SPACA7: variants seen among roughly 807,000 people sequenced by gnomAD.
The protein encoded by SPACA7 is sperm acrosome associated 7.
A neutral mutation model predicts 26.3 loss-of-function variants in SPACA7; 19 were observed. The ratio of observed to expected loss-of-function variants is 0.72; its 90% CI spans 0.50 to 1.06. The LOEUF is 1.06. Ranked by LOEUF, SPACA7 falls within the 50% of genes least tolerant of loss-of-function variation. SPACA7 has a pLI of 0.00. For synonymous variants in SPACA7, 84 were observed against 84.5 expected (o/e 0.99, Z 0.04); for missense variants, 211 against 229.9 (o/e 0.92, Z 0.53).
intron 2 of SPACA7, among the ~76,000 whole-genome samples, chr13:112,397,426 A>G (rs1473639972): frequency 6.6e-6 from 1 of 152,190 alleles, no homozygotes; most frequent in Non-Finnish European, 1.5e-5. Flanking sequence ...CCTTCTGCAT[A>G]CACTGCTTTA....
At chr13:112,387,806 G>A (rs1884623646) in intron 1 of SPACA7, among the ~76,000 whole-genome samples, 1 of 152,158 alleles carries the variant, frequency 6.6e-6, no homozygotes, top group South Asian at 2.1e-4. Flanking sequence ...GCTGCCCAGT[G>A]GGCTGCAAGG....
intron 1 of SPACA7, chr13:112,378,647 C>T (rs1196723218): frequency 6.4e-6 from 3 of 470,898 alleles, no homozygotes; most frequent in East Asian, 7.0e-5. Context: ...CCGAAGGTCT[C>T]GAGGTTCCCA....
At chr13:112,393,188 T>C in intron 2 of SPACA7, 111 bp downstream of exon 2, 1 of 800,298 alleles carries the variant, frequency 1.2e-6, no homozygotes, top group Non-Finnish European at 2.0e-6. Context: ...TGGAGGGAAC[T>C]GATTGGTTTG....
At chr13:112,396,607 C>A (rs1885278978) in intron 2 of SPACA7, among the ~76,000 whole-genome samples, 1 of 152,216 alleles carries the variant, frequency 6.6e-6, no homozygotes, top group South Asian at 2.1e-4. Context: ...TGCATATCCA[C>A]TCTTCTCCAA....
intron 5 of SPACA7, among the ~76,000 whole-genome samples, chr13:112,411,143 G>A (rs1173409020): frequency 3.0e-5 from 4 of 134,358 alleles, no homozygotes; most frequent in Admixed American, 3.0e-4. Context: ...GTTTTTTTTA[G>A]GAAGTAAATA....
chr13:112,426,753 T>C (rs1414508526), intron 5 of SPACA7, among the ~76,000 whole-genome samples: 1 of 152,250 alleles, frequency 6.6e-6, no homozygotes, highest in Non-Finnish European at 1.5e-5. Flanking sequence ...ACCCATAACC[T>C]TACTAAACTC....
chr13:112,386,658 T>G (rs1884546716), intron 1 of SPACA7, among the ~76,000 whole-genome samples: 1 of 151,716 alleles, frequency 6.6e-6, no homozygotes, highest in South Asian at 2.1e-4. Flanking sequence ...AGAAGAAAAA[T>G]AAACTTTTTC....
chr13:112,382,616 G>C, intron 1 of SPACA7: 2 of 1,389,414 alleles, frequency 1.4e-6, no homozygotes. Flanking sequence ...TATAGTTTTA[G>C]TACAGTATTT....
At chr13:112,414,436 G>T (rs1594306116) in intron 5 of SPACA7, among the ~76,000 whole-genome samples, 1 of 51,996 alleles carries the variant, frequency 1.9e-5, no homozygotes. Context: ...TTTGAGATGT[G>T]GTCTCATTCT....
intron 5 of SPACA7, among the ~76,000 whole-genome samples, chr13:112,405,550 T>C (rs1340582802): frequency 6.6e-6 from 1 of 152,238 alleles, no homozygotes; most frequent in Non-Finnish European, 1.5e-5. Flanking sequence ...GTAATAGTTT[T>C]ACTTTACAAA....
chr13:112,410,301 T>C (rs9577360), intron 5 of SPACA7, among the ~76,000 whole-genome samples: 14,501 of 151,886 alleles, frequency 0.095, 1,578 homozygotes, highest in East Asian at 0.28. Flanking sequence ...ACCAACATGA[T>C]GCATGTGTAC....
In SPACA7 at chr13:112,393,002, G is replaced by T. The variant is rs1441318815; in HGVS notation, c.95-19G>T. ...TTCAATGAACATTGTTAAACTGTAG[G>T]GTTTTTATTTCCTTCTAGGTTCACC... On this transcript the variant is annotated intron_variant, in intron 1 of 6. Coordinates refer to ENST00000283550, the MANE Select transcript of SPACA7 (RefSeq NM_145248.5). 31 of 1,602,272 alleles carry T rather than the reference G, an allele frequency of 1.9e-5. No homozygotes were observed. The highest frequency in any genetic ancestry group is 2.6e-5 in the Non-Finnish European group (31 of 1,171,102).
intron 1 of SPACA7, among the ~76,000 whole-genome samples, chr13:112,383,051 GGAAA>G (rs1284198563): frequency 6.6e-5 from 2 of 30,116 alleles, no homozygotes; most frequent in African/African-American, 1.9e-4. Flanking sequence ...AAAGACAGAA[GGAAA>G]GAAAGAGACA....
chr13:112,434,603 C>G lies in SPACA7; in HGVS notation c.*54C>G, dbSNP rs1877558103. 6.9e-7 allele frequency: 1 copy of G among 1,439,204 alleles called. No individual in the cohort carries two copies. The highest frequency in any genetic ancestry group is 9.6e-7 in the Non-Finnish European group (1 of 1,043,064). The allele number at this position is 1,439,204 out of a possible 1,614,324, so 89.2% of individuals were successfully genotyped here. Reference sequence around the variant, plus strand: ...AGAGGAGCCTGCTAGAACCCCCACCCACCAGCCTCCGGAACAGGGCACTTG... The same window carrying G: ...AGAGGAGCCTGCTAGAACCCCCACCGACCAGCCTCCGGAACAGGGCACTTG... On this transcript the variant is annotated 3_prime_UTR_variant, in exon 7 of 7. Transcript: ENST00000283550.
rs1885475120 is a variant in SPACA7, at chr13:112,399,157, C to A, written c.333C>A (p.Val111=). Residue 111 remains valine (V), a synonymous_variant, in exon 4 of 7, where the codon GTC becomes GTA. Coordinates refer to ENST00000283550, the MANE Select transcript of SPACA7 (RefSeq NM_145248.5). Reference sequence around the variant, plus strand: ...TACAATTCTCTCCTGGCATTGAGGTCAAAATTTCCAATGATGGTAAATGCA... The same window carrying A: ...TACAATTCTCTCCTGGCATTGAGGTAAAAATTTCCAATGATGGTAAATGCA... ...ENLQFSPGIE[V]KISNDEANAN... 7.0e-6 allele frequency: 11 copies of A among 1,572,974 alleles called. No individual in the cohort carries two copies. In the East Asian group the frequency reaches 2.5e-4, roughly 35 times the overall value.
chr13:112,397,676 G>A (rs577101074), intron 2 of SPACA7, among the ~76,000 whole-genome samples: 25 of 152,286 alleles, frequency 1.6e-4, no homozygotes, highest in African/African-American at 5.8e-4. Flanking sequence ...GATCAGGAGC[G>A]ACGCTCACTC....
chr13:112,392,227 G>A (rs1402987810), intron 1 of SPACA7, among the ~76,000 whole-genome samples: 1 of 152,180 alleles, frequency 6.6e-6, no homozygotes, highest in Non-Finnish European at 1.5e-5. Context: ...GGAACTACTG[G>A]GAAGGGGCTA....
chr13:112,388,070 G>T (rs1380210814), intron 1 of SPACA7, among the ~76,000 whole-genome samples: 1 of 152,072 alleles, frequency 6.6e-6, no homozygotes, highest in Non-Finnish European at 1.5e-5. Context: ...AAATAAGGAG[G>T]GTTCTGAGTT....
chr13:112,381,378 G>A (rs981184420), intron 1 of SPACA7, among the ~76,000 whole-genome samples: 1 of 151,746 alleles, frequency 6.6e-6, no homozygotes, highest in African/African-American at 2.4e-5. Context: ...CTATAGTTCT[G>A]GCTGCTTGGG....
Sources: allele counts gnomAD v4.1 joint callset (sites outside exome capture counted in the v4.1 genomes callset), GRCh38; gene constraint gnomAD v4.1.1; transcripts MANE v1.5; gene names NCBI Gene and HGNC (gene_info 2026-07-23, HGNC 2026-07-21).